KCTD2: variants seen among roughly 807,000 people sequenced by gnomAD.
KCTD2 encodes the protein potassium channel tetramerization domain containing 2.
A neutral mutation model predicts 27.9 loss-of-function variants in KCTD2; 18 were observed. That is an observed-to-expected ratio of 0.64 (90% CI 0.45 to 0.96). KCTD2 has a LOEUF of 0.96. Ranked by LOEUF, KCTD2 falls within the 40% of genes least tolerant of loss-of-function variation. KCTD2 has a pLI of 0.00. For synonymous variants in KCTD2, 175 were observed against 148.4 expected (o/e 1.18, Z -1.30); for missense variants, 280 against 348.0 (o/e 0.80, Z 1.56).
chr17:75,062,110 G>C lies in KCTD2; in HGVS notation c.637-10G>C. The C allele has an allele frequency of 3.7e-6, 6 of 1,613,800 alleles. No homozygotes were observed. The highest frequency in any genetic ancestry group is 4.2e-6 in the Non-Finnish European group (5 of 1,179,832). On this transcript the variant is annotated splice_polypyrimidine_tract_variant and intron_variant, in intron 4 of 5. Transcript: ENST00000322444. ...CCACATGAATGTTCACTGTATTCTT[G>C]GTTCATCAGCTCATCAGCATCGGAT...
upstream of KCTD2, among the ~76,000 whole-genome samples, chr17:75,043,933 G>C (rs1326183804): frequency 6.6e-6 from 1 of 151,998 alleles, no homozygotes; most frequent in East Asian, 1.9e-4. Context: ...AACTTAAAAG[G>C]GCTATCCCCT....
chr17:75,059,307 TAAAAAG>T (rs1567994115), intron 3 of KCTD2, 197 bp from the exon 4 acceptor site: 5 of 394,510 alleles, frequency 1.3e-5, no homozygotes, highest in Non-Finnish European at 2.2e-5. Flanking sequence ...TGTGGTCACT[TAAAAAG>T]AAAAACATTT....
upstream of KCTD2, among the ~76,000 whole-genome samples, chr17:75,043,454 A>C (rs2073180559): frequency 6.6e-6 from 1 of 152,140 alleles, no homozygotes; most frequent in Admixed American, 6.5e-5. Flanking sequence ...TCTACTAAAA[A>C]ATACAAAAAT....
intron 3 of KCTD2, among the ~76,000 whole-genome samples, chr17:75,053,565 C>G (rs900994417): frequency 6.6e-6 from 1 of 152,096 alleles, no homozygotes; most frequent in African/African-American, 2.4e-5. Context: ...CTCAGCCTCC[C>G]GTGTAGCTGG....
chr17:75,042,437 A>C, upstream of KCTD2: 1 of 1,544,010 alleles, frequency 6.5e-7, no homozygotes, highest in Middle Eastern at 1.7e-4. Context: ...TGTTGTCATA[A>C]GGGCATCAAG....
At chr17:75,058,381 G>A (rs2073370444) in intron 3 of KCTD2, among the ~76,000 whole-genome samples, 1 of 151,986 alleles carries the variant, frequency 6.6e-6, no homozygotes, top group Admixed American at 6.6e-5. Flanking sequence ...GCACATGCCT[G>A]TAATCCCAGC....
chr17:75,051,575 T>C (rs931653177), intron 2 of KCTD2, among the ~76,000 whole-genome samples: 17 of 149,564 alleles, frequency 1.1e-4, no homozygotes, highest in South Asian at 2.1e-4. Flanking sequence ...TGAGCCACCA[T>C]GCCCGACCTT....
upstream of KCTD2, among the ~76,000 whole-genome samples, chr17:75,044,921 G>A (rs537896836): frequency 8.5e-5 from 13 of 152,332 alleles, no homozygotes; most frequent in Non-Finnish European, 1.6e-4. Context: ...TTGTGGAGGG[G>A]AGGTGTTAAG....
chr17:75,037,577 G>A (rs993774070), intron 3 of KCTD2, among the ~76,000 whole-genome samples: 1 of 152,116 alleles, frequency 6.6e-6, no homozygotes, highest in African/African-American at 2.4e-5. Context: ...TTGGGTTGTA[G>A]GCATAACAGG....
intron 3 of KCTD2, among the ~76,000 whole-genome samples, chr17:75,058,090 A>C (rs2073367459): frequency 6.6e-6 from 1 of 150,826 alleles, no homozygotes; most frequent in African/African-American, 2.4e-5. Flanking sequence ...TTGGGGGCCC[A>C]AGGCGGGCGG....
At chr17:75,061,575 A>C (rs1333310902) in intron 4 of KCTD2, among the ~76,000 whole-genome samples, 1 of 152,196 alleles carries the variant, frequency 6.6e-6, no homozygotes, top group Non-Finnish European at 1.5e-5. Context: ...ACTTGAGACC[A>C]GGAGGTGGAG....
At chr17:75,059,713 C>A (rs2073384747) in intron 4 of KCTD2, 108 bp downstream of exon 4, 2 of 809,310 alleles carry the variant, frequency 2.5e-6, no homozygotes, top group African/African-American at 1.7e-5. Flanking sequence ...ACGGCTACGG[C>A]CAGGTGGGAT....
At chr17:75,046,716 G>C (rs971746212), upstream of KCTD2, among the ~76,000 whole-genome samples, 1 of 152,210 alleles carries the variant, frequency 6.6e-6, no homozygotes, top group East Asian at 1.9e-4. Flanking sequence ...GGACACAGCC[G>C]GGCCCCCCTG....
In KCTD2 at chr17:75,047,292, A is replaced by AG; in HGVS notation, c.47dup (p.Gly17ArgfsTer99). The AG allele has an allele frequency of 2.7e-6, 2 of 729,698 alleles. No individual in the cohort carries two copies. The highest frequency in any genetic ancestry group is 6.6e-5 in the Admixed American group (1 of 15,144). 45.2% of individuals were successfully genotyped at this position (729,698 alleles called of 1,614,324 possible). On this transcript the variant is annotated frameshift_variant, in exon 1 of 6. Transcript: ENST00000322444. LOFTEE classifies it high-confidence loss of function. ...TGGACCCGGCGATGGCGGGGCTGGG[A>AG]GGGGGCGGCGGGAGTGGGGTGGGCG...
intron 3 of KCTD2, chr17:75,039,537 G>A (rs961823876): frequency 1.3e-5 from 6 of 453,316 alleles, no homozygotes; most frequent in Non-Finnish European, 2.4e-5. Context: ...CAGAATGCCT[G>A]TTTTCACAGG....
chr17:75,051,478 G>A (rs183720628), intron 2 of KCTD2, among the ~76,000 whole-genome samples: 12 of 150,890 alleles, frequency 8.0e-5, no homozygotes, highest in Non-Finnish European at 1.6e-4. Flanking sequence ...AGAGACGGGG[G>A]TTTCACCATG....
chr17:75,060,551 G>T, intron 4 of KCTD2: 2 of 1,612,944 alleles, frequency 1.2e-6, no homozygotes, highest in Non-Finnish European at 1.7e-6. Flanking sequence ...TCACTTCTGT[G>T]TTGTCCTGGT....
chr17:75,063,279 T>C lies in KCTD2; in HGVS notation c.*232T>C. On this transcript the variant is annotated 3_prime_UTR_variant, in exon 6 of 6. Coordinates refer to ENST00000322444, the MANE Select transcript of KCTD2 (RefSeq NM_015353.3). ...ACCTTTTCAGAAACCTGCTTTCATT[T>C]GCTTAGCCAGTATTAGAACAGATCT... is the stretch of plus-strand genomic sequence containing the variant. The C allele has an allele frequency of 1.7e-6, 1 of 587,148 alleles. No homozygotes were observed. The highest frequency in any genetic ancestry group is 2.9e-5 in the East Asian group (1 of 34,626). 36.4% of individuals were successfully genotyped at this position (587,148 alleles called of 1,614,324 possible). A position where few individuals can be genotyped will look rare whatever the true frequency, so the allele number is the denominator to read the frequency against.
At chr17:75,037,237 T>G (rs55803711) in intron 3 of KCTD2, among the ~76,000 whole-genome samples, 20,834 of 150,656 alleles carry the variant, frequency 0.14, 2,151 homozygotes, top group East Asian at 0.56. Context: ...CCAGCTACTC[T>G]GGAGGCTGAG....
Sources: allele counts gnomAD v4.1 joint callset (sites outside exome capture counted in the v4.1 genomes callset), GRCh38; gene constraint gnomAD v4.1.1; transcripts MANE v1.5; gene names NCBI Gene and HGNC (gene_info 2026-07-23, HGNC 2026-07-21).